AHDC1: variants seen among roughly 807,000 people sequenced by gnomAD.
AHDC1 encodes transcription factor Gibbin.
In AHDC1, 7 loss-of-function variants were observed where a neutral mutation model predicts 87.9. The observed-to-expected ratio is 0.08, with a 90% CI of 0.05 to 0.15. The LOEUF (loss-of-function observed/expected upper bound fraction) is 0.15. Ranked by LOEUF, AHDC1 falls within the 10% of genes least tolerant of loss-of-function variation. The probability of loss-of-function intolerance (pLI) is 1.00; values close to 1 mark genes in which losing one functional copy is unlikely to be tolerated. For missense variants in AHDC1, 1,841 were observed against 2,253.2 expected, an observed-to-expected ratio of 0.82 and a Z score of 3.70; for synonymous variants, 1,051 against 1,006.8, an observed-to-expected ratio of 1.04 and a Z score of -0.83.
chr1:27,589,405 C>G (rs1038183440), intron 3 of AHDC1, among the ~76,000 whole-genome samples: 6 of 152,174 alleles, frequency 3.9e-5, no homozygotes, highest in African/African-American at 1.4e-4. Flanking sequence ...GGCTGGTGAT[C>G]TATGCCTGTC....
In AHDC1 at chr1:27,563,277, T is replaced by G. The variant is rs1461047524; in HGVS notation, c.-628-4394A>C. Among the ~76,000 whole-genome samples the G allele has an allele frequency of 6.6e-6, 1 of 150,594 alleles. No homozygotes were observed. The highest frequency in any genetic ancestry group is 1.5e-5 in the Non-Finnish European group (1 of 67,742). On this transcript the variant is annotated intron_variant, in intron 3 of 8. Coordinates refer to ENST00000673934, the MANE Select transcript of AHDC1 (RefSeq NM_001371928.1). This position sits in a 1 kb window ranked among gnomAD's most constrained non-coding sequence, Gnocchi z 6.1. ...CATGCACACACCCACACAAAGAACC[T>G]GTCACATAGTTGACCAAGACACACA...
chr1:27,568,991 G>C (rs2020449990), intron 3 of AHDC1, among the ~76,000 whole-genome samples: 1 of 152,054 alleles, frequency 6.6e-6, no homozygotes, highest in South Asian at 2.1e-4. Context: ...CGGGGGGCTG[G>C]CGAAAGCCCC....
At chr1:27,602,513 G>A (rs1400103706) in intron 3 of AHDC1, among the ~76,000 whole-genome samples, 1 of 152,082 alleles carries the variant, frequency 6.6e-6, no homozygotes, top group Non-Finnish European at 1.5e-5. Flanking sequence ...TAGACTCAGA[G>A]CCAGCCCCCT....
rs1454438424 is a variant in AHDC1 at position 27,565,709 on chromosome 1, C to A, written c.-628-6826G>T. ...TATACCATCTGGGGAAACTGAGGCA[C>A]AGTCTGAACTTGCCATCATTTTAGC... is the stretch of plus-strand genomic sequence containing the variant. On this transcript the variant is annotated intron_variant, in intron 3 of 8. Transcript: ENST00000673934. The surrounding 1 kb of genome is among the most constrained non-coding windows in gnomAD (Gnocchi z 4.6). Among the ~76,000 whole-genome samples the A allele has an allele frequency of 6.6e-6, 1 of 152,220 alleles. No homozygotes were observed. Among genetic ancestry groups the A allele is most frequent in the Non-Finnish European group, 1.5e-5 (1 of 68,044 alleles).
chr1:27,597,501 A>G (rs527726057), intron 3 of AHDC1, among the ~76,000 whole-genome samples: 2 of 152,208 alleles, frequency 1.3e-5, no homozygotes, highest in Non-Finnish European at 2.9e-5. Flanking sequence ...AGAGGTGCAC[A>G]TGTGCATCTG....
chr1:27,581,427 GAA>G (rs748203208), intron 3 of AHDC1, among the ~76,000 whole-genome samples: 2 of 117,768 alleles, frequency 1.7e-5, no homozygotes, highest in Non-Finnish European at 3.7e-5. Context: ...GTAACCAAGA[GAA>G]AAAAAAAAAA....
In AHDC1 at chr1:27,595,387, G is replaced by C. The variant is rs2089340607; in HGVS notation, c.-629+8010C>G. ...GGGAAGGTAGCAGGGCTGTAGCTGG[G>C]TCCTGGGTGTATCTGGCAGTGTTGG... On this transcript the variant is annotated intron_variant, in intron 3 of 8. Coordinates refer to ENST00000673934, the MANE Select transcript of AHDC1 (RefSeq NM_001371928.1). This position sits in a 1 kb window ranked among gnomAD's most constrained non-coding sequence, Gnocchi z 4.0. Among the ~76,000 whole-genome samples, 1 of 151,446 alleles carries C rather than the reference G, an allele frequency of 6.6e-6. No individual in the cohort carries two copies. The highest frequency in any genetic ancestry group is 6.6e-5 in the Admixed American group (1 of 15,204).
intron 8 of AHDC1, among the ~76,000 whole-genome samples, chr1:27,545,877 G>C (rs2019141668): frequency 6.6e-6 from 1 of 152,226 alleles, no homozygotes; most frequent in Admixed American, 6.5e-5. Context: ...TTGGTCAAGG[G>C]CATGTGGGAA....
In AHDC1 at chr1:27,547,698, G is replaced by A. The variant is rs2019248403; in HGVS notation, c.4418C>T (p.Ala1473Val). Residue 1473 changes from alanine to valine, a missense_variant, in exon 8 of 9, where the codon GCT becomes GTT. Physicochemically the swap from Ala to Val is moderately conservative, Grantham distance 64. Around this residue, in one of 13 missense-constraint regions of AHDC1, gnomAD observed 505 missense variants for 626.2 expected, o/e 0.81. Transcript: ENST00000673934. The surrounding 1 kb of genome is among the most constrained non-coding windows in gnomAD (Gnocchi z 4.9). ...GTAYWYPPGS[A>V]ARSPPYEGKV... ...GCCTTCATAGGGCGGGCTGCGGGCA[G>A]CTGAGCCTGGAGGGTACCAATAGGC... 1 of 1,596,558 alleles carries A rather than the reference G, an allele frequency of 6.3e-7. No individual in the cohort carries two copies. The highest frequency in any genetic ancestry group is 8.5e-7 in the Non-Finnish European group (1 of 1,169,754).
chr1:27,569,924 T>G (rs552902828), intron 3 of AHDC1, among the ~76,000 whole-genome samples: 2 of 152,084 alleles, frequency 1.3e-5, no homozygotes, highest in Non-Finnish European at 2.9e-5. Context: ...TGTGATGCCC[T>G]GAGTCTGGCT....
intron 3 of AHDC1, among the ~76,000 whole-genome samples, chr1:27,580,194 C>G (rs1322774554): frequency 2.6e-5 from 4 of 152,152 alleles, no homozygotes; most frequent in Non-Finnish European, 5.9e-5. Flanking sequence ...GTAAGCCCTT[C>G]CAGAACAAGG....
chr1:27,540,729 C>T (rs550057722), intron 8 of AHDC1, among the ~76,000 whole-genome samples: 1 of 152,172 alleles, frequency 6.6e-6, no homozygotes, highest in Admixed American at 6.5e-5. Context: ...GAGCTCCCTC[C>T]TGTTTCCACA....
Position 27,562,408 on chromosome 1 carries a change from G to GT in AHDC1, c.-628-3526dup, listed in dbSNP as rs2020131987. On this transcript the variant is annotated intron_variant, in intron 3 of 8. Transcript: ENST00000673934. The surrounding 1 kb of genome is among the most constrained non-coding windows in gnomAD (Gnocchi z 4.4). ...TCCTGTGGCTCCAGAGCCTTAATTA[G>GT]TTTAACAGTTTCAGGGGCAGGAGAG... Among the ~76,000 whole-genome samples the GT allele has an allele frequency of 6.6e-6, 1 of 152,106 alleles. No homozygotes were observed. The highest frequency in any genetic ancestry group is 2.1e-4 in the South Asian group (1 of 4,830).
In AHDC1 at chr1:27,550,748, G is replaced by C. The variant is rs2148286767; in HGVS notation, c.1368C>G (p.Ser456=). 6 of 1,580,072 alleles carry C rather than the reference G, an allele frequency of 3.8e-6. No homozygotes were observed. The highest frequency in any genetic ancestry group is 5.2e-6 in the Non-Finnish European group (6 of 1,163,676). The change falls in exon 8 of 9, where the codon TCC becomes TCG. Residue 456 remains serine (S), a synonymous_variant. Transcript: ENST00000673934. ...VSVPELKPES[S]QTPVVSTRKG... ...TGCGGGTAGAGACCACTGGGGTCTG[G>C]GAAGATTCCGGCTTCAACTCTGGGA...
At chr1:27,580,721 G>T (rs79485697) in intron 3 of AHDC1, among the ~76,000 whole-genome samples, 2 of 152,320 alleles carry the variant, frequency 1.3e-5, no homozygotes, top group East Asian at 3.9e-4. Flanking sequence ...CCAGTGCCTG[G>T]CACATAATAA....
chr1:27,557,733 T>A (rs1049648373), intron 5 of AHDC1, among the ~76,000 whole-genome samples: 1 of 152,172 alleles, frequency 6.6e-6, no homozygotes, highest in African/African-American at 2.4e-5. Flanking sequence ...CTTGCACACA[T>A]GACATCCAGT....
At chr1:27,585,863 C>A (rs1319524684) in intron 3 of AHDC1, among the ~76,000 whole-genome samples, 1 of 152,222 alleles carries the variant, frequency 6.6e-6, no homozygotes, top group Non-Finnish European at 1.5e-5. Flanking sequence ...TGCTATGTGA[C>A]CCTGGGCAAG....
intron 8 of AHDC1, among the ~76,000 whole-genome samples, chr1:27,537,236 C>T (rs566911686): frequency 2.6e-4 from 40 of 152,294 alleles, no homozygotes; most frequent in South Asian, 1.4e-3. Context: ...CAGACACTAA[C>T]GTGCCAGGCA....
chr1:27,567,486 G>T (rs1399897889), intron 3 of AHDC1, among the ~76,000 whole-genome samples: 3 of 152,150 alleles, frequency 2.0e-5, no homozygotes, highest in Admixed American at 2.0e-4. Context: ...GCTCTTAACT[G>T]CTTCTGTGCC....
Sources: gnomAD v4.1 joint callset for allele counts (sites outside exome capture counted in the v4.1 genomes callset) on GRCh38, gnomAD v4.1.1 for gene constraint, gnomAD v4.1.1 regional missense constraint, Gnocchi (gnomAD v3.1) non-coding constraint, MANE v1.5 for transcripts, NCBI Gene and HGNC (gene_info 2026-07-23, HGNC 2026-07-21) for gene names.